The following MTREX variants were observed in gnomAD, a reference collection of about 807,000 sequenced individuals.
The protein encoded by MTREX is exosome RNA helicase MTR4.
In MTREX, 76 loss-of-function variants were observed where a neutral mutation model predicts 135.4. The ratio of observed to expected loss-of-function variants is 0.56; its 90% CI spans 0.47 to 0.68. MTREX has a LOEUF of 0.68. Ranked by LOEUF, MTREX falls within the 30% of genes least tolerant of loss-of-function variation. The pLI is 0.00. For synonymous variants in MTREX, 404 were observed against 401.6 expected (o/e 1.01, Z -0.07); for missense variants, 920 against 1,262.1 (o/e 0.73, Z 4.11).
chr5:55,332,174 G>T (rs757575677), intron 5 of MTREX, among the ~76,000 whole-genome samples: 1 of 152,120 alleles, frequency 6.6e-6, no homozygotes, highest in Non-Finnish European at 1.5e-5. Flanking sequence ...ATTTTAACAA[G>T]ATCACCAGGT....
chr5:55,420,331 T>A (rs1249708486), intron 25 of MTREX, among the ~76,000 whole-genome samples: 1 of 152,214 alleles, frequency 6.6e-6, no homozygotes, highest in African/African-American at 2.4e-5. Context: ...CTCTCCTTAA[T>A]GAGAATGATG....
At chr5:55,330,524 C>T (rs1749459301) in intron 5 of MTREX, among the ~76,000 whole-genome samples, 1 of 150,810 alleles carries the variant, frequency 6.6e-6, no homozygotes, top group Admixed American at 7.0e-5. Context: ...AGATAGGGTA[C>T]AGTTACAAAA....
At chr5:55,380,295 G>T (rs2112101135) in intron 18 of MTREX, among the ~76,000 whole-genome samples, 1 of 152,104 alleles carries the variant, frequency 6.6e-6, no homozygotes, top group Non-Finnish European at 1.5e-5. Flanking sequence ...AATTTTCCCG[G>T]TTAGGGTGTA....
At chr5:55,319,058 A>G (rs1379955353) in intron 1 of MTREX, among the ~76,000 whole-genome samples, 1 of 152,134 alleles carries the variant, frequency 6.6e-6, no homozygotes, top group African/African-American at 2.4e-5. Context: ...ATGCATATGT[A>G]TATGTGTATG....
At chr5:55,336,877 A>C (rs1173707964) in intron 5 of MTREX, among the ~76,000 whole-genome samples, 1 of 152,102 alleles carries the variant, frequency 6.6e-6, no homozygotes, top group East Asian at 1.9e-4. Context: ...ATGGTATGTG[A>C]TTTTCTTATA....
intron 5 of MTREX, among the ~76,000 whole-genome samples, chr5:55,333,325 C>T (rs181391586): frequency 5.4e-4 from 82 of 152,226 alleles, no homozygotes; most frequent in African/African-American, 1.8e-3. Context: ...AGAGTCCACT[C>T]CTGTTCAGAA....
rs2112055451 is a variant in MTREX at position 55,340,192 on chromosome 5, A to G, written c.690+8A>G. On this transcript the variant is annotated splice_region_variant and intron_variant, in intron 6 of 26. Coordinates refer to ENST00000230640, the MANE Select transcript of MTREX (RefSeq NM_015360.5). ...CTTGTTATGACCACAGAGGTAATTC[A>G]TGTAGTGCCTCATCTGACTTTTCGT... 1.3e-6 allele frequency: 2 copies of G among 1,520,174 alleles called. No individual in the cohort carries two copies. Among genetic ancestry groups the G allele is most frequent in the Non-Finnish European group, 1.8e-6 (2 of 1,133,152 alleles). 94.2% of individuals were successfully genotyped at this position (1,520,174 alleles called of 1,614,324 possible).
intron 5 of MTREX, among the ~76,000 whole-genome samples, chr5:55,334,810 G>A (rs902087304): frequency 1.1e-4 from 16 of 152,160 alleles, no homozygotes; most frequent in African/African-American, 3.8e-4. Flanking sequence ...ACATTCATGT[G>A]CAAGTCTTTA....
chr5:55,352,448 A>G (rs1749844935), intron 13 of MTREX, among the ~76,000 whole-genome samples: 1 of 152,172 alleles, frequency 6.6e-6, no homozygotes, highest in South Asian at 2.1e-4. Flanking sequence ...GAGCAGTTGT[A>G]TGTAAAGTAA....
intron 15 of MTREX, among the ~76,000 whole-genome samples, chr5:55,362,024 C>T (rs1750020742): frequency 6.6e-6 from 1 of 151,858 alleles, no homozygotes. Flanking sequence ...TCAAGCGACC[C>T]TCCCACCTTA....
Position 55,343,558 on chromosome 5 carries a change from A to T in MTREX, c.906+103A>T, listed in dbSNP as rs1021275307. ...TTCTCCTGATGTTGTCCAGAATAAT[A>T]AAAAAAACATTTTAATGGTAAACTG... On this transcript the variant is annotated intron_variant, in intron 8 of 26. Transcript: ENST00000230640. The T allele has an allele frequency of 4.3e-6, 4 of 934,562 alleles. No individual in the cohort carries two copies. The Admixed American group carries it at 8.8e-5, about 21-fold the overall frequency. 57.9% of individuals were successfully genotyped at this position (934,562 alleles called of 1,614,324 possible).
At chr5:55,328,564 G>A (rs1749419244) in intron 4 of MTREX, 135 bp from the exon 5 acceptor site, 3 of 586,242 alleles carry the variant, frequency 5.1e-6, no homozygotes, top group Non-Finnish European at 6.0e-6. Context: ...CTAATGTGTA[G>A]TATATTTTCT....
chr5:55,311,103 CTT>C (rs1004182265), intron 1 of MTREX, among the ~76,000 whole-genome samples: 1 of 152,100 alleles, frequency 6.6e-6, no homozygotes, highest in Non-Finnish European at 1.5e-5. Flanking sequence ...TTTAAAAAAA[CTT>C]TATGAGAATT....
chr5:55,329,074 C>T lies in MTREX; in HGVS notation c.515+263C>T, dbSNP rs576892991. Reference sequence around the variant, plus strand: ...ATTACCTGTTGGTTTTTCACAGATGCTTTTTATTTATCAGTTTGAGGAACT... The same window carrying T: ...ATTACCTGTTGGTTTTTCACAGATGTTTTTTATTTATCAGTTTGAGGAACT... On this transcript the variant is annotated intron_variant, in intron 5 of 26. Coordinates refer to ENST00000230640, the MANE Select transcript of MTREX (RefSeq NM_015360.5). Among the ~76,000 whole-genome samples the T allele has an allele frequency of 3.9e-5, 6 of 152,182 alleles. No homozygotes were observed. In the South Asian group the frequency reaches 1.0e-3, roughly 26 times the overall value.
At chr5:55,337,134 C>A (rs2112050992) in intron 5 of MTREX, among the ~76,000 whole-genome samples, 1 of 151,530 alleles carries the variant, frequency 6.6e-6, no homozygotes, top group Admixed American at 6.6e-5. Flanking sequence ...TTCTTTTTTT[C>A]TTTTATGAGA....
intron 18 of MTREX, among the ~76,000 whole-genome samples, 196 bp downstream of exon 18, chr5:55,379,391 G>A (rs1750357283): frequency 1.3e-5 from 2 of 152,080 alleles, no homozygotes; most frequent in South Asian, 4.1e-4. Context: ...TGCCATGTTG[G>A]CCAAGCTGGT....
chr5:55,400,484 T>C (rs965232987), intron 21 of MTREX, 63 bp downstream of exon 21: 2 of 1,145,606 alleles, frequency 1.7e-6, no homozygotes, highest in Non-Finnish European at 1.2e-6. Context: ...AATATGTGTT[T>C]GTCATTTTCT....
intron 18 of MTREX, among the ~76,000 whole-genome samples, chr5:55,384,795 C>T (rs889734669): frequency 6.6e-6 from 1 of 152,094 alleles, no homozygotes; most frequent in Non-Finnish European, 1.5e-5. Context: ...CTTGGTTATG[C>T]CCACAGTCAC....
chr5:55,372,892 A>ATATG (rs71600873), intron 16 of MTREX, among the ~76,000 whole-genome samples: 1 of 120,914 alleles, frequency 8.3e-6, no homozygotes, highest in African/African-American at 3.1e-5. Flanking sequence ...TAAAACTGTA[A>ATATG]TGTGTGTGTG....
Sources: gnomAD v4.1 joint callset for allele counts (sites outside exome capture counted in the v4.1 genomes callset) on GRCh38, gnomAD v4.1.1 for gene constraint, MANE v1.5 for transcripts, NCBI Gene and HGNC (gene_info 2026-07-23, HGNC 2026-07-21) for gene names.